The following TBC1D12 variants were observed in gnomAD, a reference collection of about 807,000 sequenced individuals.
TBC1D12 encodes the protein TBC1 domain family, member 12.
TBC1D12 carries 56 observed loss-of-function variants against 86.7 expected under a neutral mutation model. That is an observed-to-expected ratio of 0.65 (90% confidence interval 0.52 to 0.81). The LOEUF is 0.81. TBC1D12 is among the 30% of genes least tolerant of loss of function. TBC1D12 has a pLI of 0.00. For missense variants in TBC1D12, 1,023 were observed against 1,038.8 expected, an observed-to-expected ratio of 0.98 and a Z score of 0.21; for synonymous variants, 421 against 411.7, an observed-to-expected ratio of 1.02 and a Z score of -0.27.
intron 6 of TBC1D12, among the ~76,000 whole-genome samples, chr10:94,505,522 G>C (rs999171455): frequency 3.3e-5 from 5 of 152,182 alleles, no homozygotes; most frequent in Non-Finnish European, 7.3e-5. Context: ...GCAATGAGCT[G>C]AGGTCACACC....
chr10:94,422,770 G>T lies in TBC1D12; in HGVS notation c.972-19126G>T, dbSNP rs373859851. ...GTTTTTTTTAGAGATGGGTGTTTCA[G>T]TATGTTGTCCTGGCTGGTTTTGAAC... On this transcript the variant is annotated intron_variant, in intron 1 of 12. Transcript: ENST00000225235. Among the ~76,000 whole-genome samples the T allele has an allele frequency of 7.2e-5, 11 of 151,998 alleles. No homozygotes were observed. The East Asian group carries it at 2.1e-3, about 30-fold the overall frequency.
chr10:94,475,302 CA>C (rs1171662215), intron 3 of TBC1D12, among the ~76,000 whole-genome samples: 1 of 152,124 alleles, frequency 6.6e-6, no homozygotes, highest in Non-Finnish European at 1.5e-5. Context: ...ACTTAGGTAA[CA>C]AAAGTTTTAT....
intron 1 of TBC1D12, 145 bp from the exon 2 acceptor site, chr10:94,441,751 T>C: frequency 1.4e-6 from 1 of 725,386 alleles, no homozygotes; most frequent in East Asian, 3.1e-5. Flanking sequence ...CTTATTATTC[T>C]AAGTAATAGT....
At chr10:94,481,516 C>T (rs2056078209) in intron 3 of TBC1D12, among the ~76,000 whole-genome samples, 1 of 152,190 alleles carries the variant, frequency 6.6e-6, no homozygotes, top group African/African-American at 2.4e-5. Context: ...CTGCTAGATT[C>T]CAGCTTTTCT....
chr10:94,486,395 T>C (rs2056163910), intron 3 of TBC1D12, among the ~76,000 whole-genome samples: 4 of 152,048 alleles, frequency 2.6e-5, no homozygotes, highest in Admixed American at 2.6e-4. Flanking sequence ...ATTTTTAGGT[T>C]GCTTATTTGA....
intron 1 of TBC1D12, among the ~76,000 whole-genome samples, chr10:94,425,429 C>T (rs1303238764): frequency 6.6e-6 from 1 of 152,184 alleles, no homozygotes; most frequent in Non-Finnish European, 1.5e-5. Flanking sequence ...AGAAAATATT[C>T]AGTGAGTGCA....
Position 94,533,030 on chromosome 10 carries a change from C to A in TBC1D12, c.2262C>A (p.Val754=). The change falls in exon 13 of 13, where the codon GTC becomes GTA. Residue 754 remains valine, a splice_region_variant and synonymous_variant. Coordinates refer to ENST00000225235, the MANE Select transcript of TBC1D12 (RefSeq NM_015188.2). The stretch of plus-strand genomic sequence containing the variant: ...TCTTTATTTTATATAATTTTCAGGT[C>A]TTTGCATCTGTAATGAAGGATATTA... The part of the protein sequence containing the change: ...MQNSTKKWTQ[V]FASVMKDIKE... 1.3e-6 allele frequency: 2 copies of A among 1,553,544 alleles called. No individual in the cohort carries two copies. Among genetic ancestry groups the A allele is most frequent in the South Asian group, 1.2e-5 (1 of 84,614 alleles).
Position 94,432,639 on chromosome 10 carries a change from A to G in TBC1D12, c.972-9257A>G, listed in dbSNP as rs550797670. Among the ~76,000 whole-genome samples, 11 of 152,196 alleles carry G rather than the reference A, an allele frequency of 7.2e-5. 1 individual carries two copies. The South Asian group carries it at 1.7e-3, about 23-fold the overall frequency. ...TTATGGAAATTTCTTGTAGTAACCA[A>G]TGTTTCCTGGATGCATAAATTTAAG... On this transcript the variant is annotated intron_variant, in intron 1 of 12. Transcript: ENST00000225235.
chr10:94,521,320 T>C (rs550128554), intron 9 of TBC1D12, among the ~76,000 whole-genome samples: 1 of 152,246 alleles, frequency 6.6e-6, no homozygotes, highest in African/African-American at 2.4e-5. Flanking sequence ...GCTTAGCCTT[T>C]TACTCAAGGT....
chr10:94,444,813 T>G (rs1469417535), intron 2 of TBC1D12, among the ~76,000 whole-genome samples: 1 of 149,496 alleles, frequency 6.7e-6, no homozygotes, highest in Admixed American at 6.7e-5. Flanking sequence ...CTCACTGCAA[T>G]CTCCGCCACC....
intron 1 of TBC1D12, among the ~76,000 whole-genome samples, chr10:94,430,201 A>C (rs1435325259): frequency 6.6e-6 from 1 of 152,174 alleles, no homozygotes; most frequent in Non-Finnish European, 1.5e-5. Flanking sequence ...TTTAATATAC[A>C]AGTCTATTGA....
intron 1 of TBC1D12, among the ~76,000 whole-genome samples, chr10:94,405,173 C>T (rs2054837845): frequency 6.6e-6 from 1 of 151,818 alleles, no homozygotes; most frequent in Admixed American, 6.6e-5. Context: ...TAAAACTTTC[C>T]TTTACAGAGT....
intron 3 of TBC1D12, among the ~76,000 whole-genome samples, chr10:94,477,770 G>T (rs1428228397): frequency 6.6e-6 from 1 of 152,176 alleles, no homozygotes. Context: ...CTACAGCAGG[G>T]TTCCCCAAAC....
intron 11 of TBC1D12, among the ~76,000 whole-genome samples, chr10:94,523,043 C>CACA (rs1842194495): frequency 1.5e-5 from 1 of 64,634 alleles, no homozygotes; most frequent in Admixed American, 2.0e-4. Context: ...GACTCCAGCT[C>CACA]AAAAAAAAAA....
At chr10:94,436,395 A>G (rs1277847296) in intron 1 of TBC1D12, among the ~76,000 whole-genome samples, 1 of 152,066 alleles carries the variant, frequency 6.6e-6, no homozygotes, top group Admixed American at 6.6e-5. Flanking sequence ...CAGCCTCCCA[A>G]AGTGCTGGGA....
At chr10:94,420,465 A>G (rs1050463723) in intron 1 of TBC1D12, among the ~76,000 whole-genome samples, 1 of 151,848 alleles carries the variant, frequency 6.6e-6, no homozygotes, top group Admixed American at 6.5e-5. Context: ...TAGCACCACT[A>G]TCTAATTCTA....
chr10:94,438,251 C>T (rs1467547262), intron 1 of TBC1D12, among the ~76,000 whole-genome samples: 2 of 151,482 alleles, frequency 1.3e-5, no homozygotes, highest in African/African-American at 4.9e-5. Flanking sequence ...GCTGAAGCCA[C>T]CTGTTTGTGA....
rs118167045 is a variant in TBC1D12 at position 94,461,486 on chromosome 10, G to T, written c.1096-13182G>T. Among the ~76,000 whole-genome samples the T allele has an allele frequency of 1.5e-3, 236 of 152,296 alleles. 1 individual carries two copies. The highest frequency in any genetic ancestry group is 2.7e-3 in the Non-Finnish European group (184 of 68,018). On this transcript the variant is annotated intron_variant, in intron 2 of 12. Coordinates refer to ENST00000225235, the MANE Select transcript of TBC1D12 (RefSeq NM_015188.2). ...TCAAAATAATTACTTTTCCTCTCCT[G>T]CTGAAAGCACAAGGGGATTTCTTCC...
chr10:94,410,225 T>C (rs1011492937), intron 1 of TBC1D12, among the ~76,000 whole-genome samples: 9 of 152,174 alleles, frequency 5.9e-5, no homozygotes, highest in Non-Finnish European at 1.3e-4. Context: ...GAGTTATGCA[T>C]GGTAACTCAT....
Sources: allele counts gnomAD v4.1 joint callset (sites outside exome capture counted in the v4.1 genomes callset), GRCh38; gene constraint gnomAD v4.1.1; transcripts MANE v1.5; gene names NCBI Gene and HGNC (gene_info 2026-07-23, HGNC 2026-07-21).